Variants in ST6GALNAC3 observed in about 807,000 individuals in gnomAD.
The protein encoded by ST6GALNAC3 is alpha-N-acetylgalactosaminide alpha-2,6-sialyltransferase 3.
ST6GALNAC3 carries 25 observed loss-of-function variants against 32.7 expected under a neutral mutation model. The ratio of observed to expected loss-of-function variants is 0.76; its 90% confidence interval spans 0.56 to 1.07. The LOEUF (loss-of-function observed/expected upper bound fraction) is 1.07, where lower values mean the gene tolerates loss of function less well. Ranked by LOEUF, ST6GALNAC3 falls within the 50% of genes least tolerant of loss-of-function variation. ST6GALNAC3 has a pLI of 0.00. For missense variants in ST6GALNAC3, 355 were observed against 382.4 expected (o/e 0.93, Z 0.60); for synonymous variants, 129 against 133.1 (o/e 0.97, Z 0.21).
intron 2 of ST6GALNAC3, among the ~76,000 whole-genome samples, chr1:76,354,932 G>A (rs1033298722): frequency 1.3e-5 from 2 of 152,224 alleles, no homozygotes; most frequent in Admixed American, 1.3e-4. Flanking sequence ...AGGGGAAAAT[G>A]TAAGGGGTAA....
chr1:76,247,661 T>C (rs749489134), intron 1 of ST6GALNAC3, among the ~76,000 whole-genome samples: 7 of 151,982 alleles, frequency 4.6e-5, no homozygotes, highest in Non-Finnish European at 8.8e-5. Flanking sequence ...TAATGGCCGA[T>C]GCCCCTCCCC....
At chr1:76,376,134 T>G (rs1468802568) in intron 2 of ST6GALNAC3, among the ~76,000 whole-genome samples, 1 of 151,884 alleles carries the variant, frequency 6.6e-6, no homozygotes, top group Non-Finnish European at 1.5e-5. Context: ...AAACATTTTA[T>G]TATGAGATAA....
chr1:76,429,589 T>C (rs918848527), intron 3 of ST6GALNAC3, among the ~76,000 whole-genome samples: 2 of 152,136 alleles, frequency 1.3e-5, no homozygotes, highest in South Asian at 4.1e-4. Context: ...GAAAACAGTA[T>C]AGGGACCTTC....
intron 3 of ST6GALNAC3, among the ~76,000 whole-genome samples, chr1:76,603,089 A>G (rs1207175056): frequency 2.0e-5 from 3 of 152,210 alleles, no homozygotes; most frequent in Non-Finnish European, 4.4e-5. Context: ...TATAAGTACT[A>G]CTGAAGACGA....
At chr1:76,535,943 A>C (rs1041808962) in intron 3 of ST6GALNAC3, among the ~76,000 whole-genome samples, 1 of 152,134 alleles carries the variant, frequency 6.6e-6, no homozygotes, top group African/African-American at 2.4e-5. Flanking sequence ...ATAGCATTTG[A>C]TGGCTATTTT....
intron 1 of ST6GALNAC3, among the ~76,000 whole-genome samples, chr1:76,108,861 AGTGTGT>A (rs10528375): frequency 0.049 from 7,385 of 149,592 alleles, 307 homozygotes; most frequent in Admixed American, 0.15. Context: ...CTGTAGACAT[AGTGTGT>A]GTGTGTGTGT....
intron 2 of ST6GALNAC3, among the ~76,000 whole-genome samples, chr1:76,360,831 G>A (rs72675996): frequency 2.0e-5 from 3 of 152,122 alleles, no homozygotes; most frequent in East Asian, 1.9e-4. Context: ...TTAGAACCTC[G>A]TTGGCCTTCT....
At chr1:76,437,582 CTTT>C (rs11298028) in intron 3 of ST6GALNAC3, among the ~76,000 whole-genome samples, 97,436 of 137,838 alleles carry the variant, frequency 0.71, 34,097 homozygotes, top group Non-Finnish European at 0.77. Flanking sequence ...TTTTTTTTCT[CTTT>C]TTTTTTTTTT....
rs1193340279 is a variant in ST6GALNAC3, at chr1:76,112,093, C to T, written c.18+37209C>T. ...CTGACCCCCCCACCTCCCTCCCGGA[C>T]GGGGCGGCTGGCCGGGCGGGGGGCT... is the stretch of plus-strand genomic sequence containing the variant. On this transcript the variant is annotated intron_variant, in intron 1 of 4. Coordinates refer to ENST00000328299, the MANE Select transcript of ST6GALNAC3 (RefSeq NM_152996.4). Among the ~76,000 whole-genome samples, 13 of 147,208 alleles carry T rather than the reference C, an allele frequency of 8.8e-5. No homozygotes were observed. The East Asian group carries it at 1.2e-3, about 14-fold the overall frequency.
At chr1:76,243,154 G>C (rs1319369250) in intron 1 of ST6GALNAC3, among the ~76,000 whole-genome samples, 1 of 152,154 alleles carries the variant, frequency 6.6e-6, no homozygotes, top group Non-Finnish European at 1.5e-5. Context: ...ATTCTGACTG[G>C]TGTGAGTTGG....
At chr1:76,336,469 C>T (rs990198055) in intron 2 of ST6GALNAC3, among the ~76,000 whole-genome samples, 4 of 152,228 alleles carry the variant, frequency 2.6e-5, no homozygotes, top group East Asian at 1.9e-4. Flanking sequence ...TATTTCCATT[C>T]GATTCGGTGG....
chr1:76,526,268 A>G (rs1662905214), intron 3 of ST6GALNAC3, among the ~76,000 whole-genome samples: 1 of 151,982 alleles, frequency 6.6e-6, no homozygotes, highest in South Asian at 2.1e-4. Context: ...TCCTAGCACC[A>G]TTTATCAAAC....
rs745609946 is a variant in ST6GALNAC3, at chr1:76,478,855, T to C, written c.623+66438T>C. ...TTGGCTCACTGTAAGCTCTGCCTCC[T>C]GGGTTCATGCCATTCTCCTGCCTCA... is the stretch of plus-strand genomic sequence containing the variant. On this transcript the variant is annotated intron_variant, in intron 3 of 4. Transcript: ENST00000328299. Among the ~76,000 whole-genome samples, 526 of 147,966 alleles carry C rather than the reference T, an allele frequency of 3.6e-3. 2 individuals carry two copies. The highest frequency in any genetic ancestry group is 4.8e-3 in the Non-Finnish European group (325 of 67,264).
chr1:76,322,309 C>G (rs1384861208), intron 2 of ST6GALNAC3, among the ~76,000 whole-genome samples: 2 of 152,008 alleles, frequency 1.3e-5, no homozygotes, highest in Non-Finnish European at 2.9e-5. Context: ...AACCAAATAC[C>G]AAATATTTTG....
At chr1:76,171,088 GGTGTGTGTGTGT>G (rs71071988) in intron 1 of ST6GALNAC3, among the ~76,000 whole-genome samples, 106,661 of 149,520 alleles carry the variant, frequency 0.71, 39,698 homozygotes, top group East Asian at 0.93. Context: ...CATTGAGAGG[GGTGTGTGTGTGT>G]GTGTGTGTGT....
chr1:76,545,769 G>A (rs778799007), intron 3 of ST6GALNAC3, among the ~76,000 whole-genome samples: 3 of 151,446 alleles, frequency 2.0e-5, no homozygotes, highest in African/African-American at 4.9e-5. Context: ...TGATTCTCCT[G>A]CCTCAGCCTC....
chr1:76,254,108 A>C (rs531346078), intron 1 of ST6GALNAC3, among the ~76,000 whole-genome samples: 1 of 152,258 alleles, frequency 6.6e-6, no homozygotes, highest in South Asian at 2.1e-4. Context: ...TGCAGATGGA[A>C]TGAATTATAA....
chr1:76,405,223 G>A lies in ST6GALNAC3; in HGVS notation c.214-6785G>A, dbSNP rs1006268695. 6.6e-5 allele frequency among the ~76,000 whole-genome samples: 10 copies of A among 152,050 alleles called. No individual in the cohort carries two copies. In the East Asian group the frequency reaches 1.7e-3, roughly 26 times the overall value. ...CTTCGTTTTCCATAGAGCCACCTTA[G>A]TGATAAATGCAGAGATTTAATAACT... On this transcript the variant is annotated intron_variant, in intron 2 of 4. Coordinates refer to ENST00000328299, the MANE Select transcript of ST6GALNAC3 (RefSeq NM_152996.4).
intron 3 of ST6GALNAC3, among the ~76,000 whole-genome samples, chr1:76,492,063 C>T (rs1660535692): frequency 6.6e-6 from 1 of 152,138 alleles, no homozygotes; most frequent in Non-Finnish European, 1.5e-5. Flanking sequence ...ATTGTTATTC[C>T]TGTTTGATGT....
Sources: gnomAD v4.1 joint callset for allele counts (sites outside exome capture counted in the v4.1 genomes callset) on GRCh38, gnomAD v4.1.1 for gene constraint, MANE v1.5 for transcripts, NCBI Gene and HGNC (gene_info 2026-07-23, HGNC 2026-07-21) for gene names.